Variants in RAP1GAP2 observed in about 807,000 individuals in gnomAD.
The protein encoded by RAP1GAP2 is RAP1 GTPase activating protein 2, also known as rap1 GTPase-activating protein 2.
RAP1GAP2 carries 27 observed loss-of-function variants against 95.0 expected under a neutral mutation model. That is an observed-to-expected ratio of 0.28 (90% CI 0.21 to 0.39). The LOEUF (loss-of-function observed/expected upper bound fraction) is 0.39. RAP1GAP2 is among the 10% of genes least tolerant of loss of function. The probability of loss-of-function intolerance (pLI) is 1.00; values close to 1 mark genes in which losing one functional copy is unlikely to be tolerated. For synonymous variants in RAP1GAP2, 373 were observed against 380.9 expected (o/e 0.98, Z 0.24); for missense variants, 771 against 970.0 (o/e 0.79, Z 2.72).
chr17:2,867,478 T>C lies in RAP1GAP2; in HGVS notation c.81-37806T>C, dbSNP rs111286339. The stretch of plus-strand genomic sequence containing the variant: ...CGATGGCTGCCCTGGGCTGACCTTC[T>C]ACCCACTTAGCAATACCAACAGGAA... On this transcript the variant is annotated intron_variant, in intron 2 of 24. Coordinates refer to ENST00000254695, the MANE Select transcript of RAP1GAP2 (RefSeq NM_015085.5). The surrounding 1 kb of genome is among the most constrained non-coding windows in gnomAD (Gnocchi z 4.5). 1.5e-3 allele frequency among the ~76,000 whole-genome samples: 225 copies of C among 152,240 alleles called. 1 individual carries two copies. Among genetic ancestry groups the C allele is most frequent in the Non-Finnish European group, 2.5e-3 (171 of 68,000 alleles).
intron 12 of RAP1GAP2, among the ~76,000 whole-genome samples, chr17:2,993,597 T>A (rs1481270047): frequency 1.3e-5 from 2 of 149,774 alleles, no homozygotes; most frequent in South Asian, 2.1e-4. Context: ...AATAAATAAA[T>A]AAAAAATAAA....
In RAP1GAP2 at chr17:2,955,670, C is replaced by T. The variant is rs535499269; in HGVS notation, c.166-2089C>T. 3.9e-5 allele frequency among the ~76,000 whole-genome samples: 6 copies of T among 152,172 alleles called. No homozygotes were observed. In the East Asian group the frequency reaches 1.2e-3, roughly 29 times the overall value. On this transcript the variant is annotated intron_variant, in intron 3 of 24. Coordinates refer to ENST00000254695, the MANE Select transcript of RAP1GAP2 (RefSeq NM_015085.5). ...TGAAGCCACCTGGGTCTGGGCTTTC[C>T]TTCGTGCGTCGTTTTTTTGATCATT...
intron 1 of RAP1GAP2, among the ~76,000 whole-genome samples, chr17:2,787,430 A>C (rs905461052): frequency 1.3e-5 from 2 of 151,616 alleles, no homozygotes; most frequent in Non-Finnish European, 2.9e-5. Flanking sequence ...AATTTAAAAA[A>C]ATTTTTGTAC....
At chr17:2,940,332 C>G (rs989160501) in intron 3 of RAP1GAP2, among the ~76,000 whole-genome samples, 1 of 152,150 alleles carries the variant, frequency 6.6e-6, no homozygotes, top group Admixed American at 6.5e-5. Context: ...CTTGGAGATT[C>G]GAGGTGGGTC....
intron 1 of RAP1GAP2, among the ~76,000 whole-genome samples, chr17:2,760,328 A>C (rs976473182): frequency 3.6e-4 from 54 of 151,198 alleles, no homozygotes; most frequent in Non-Finnish European, 7.2e-4. Context: ...AGAAAAAAGA[A>C]AAATGGTCTC....
chr17:2,885,093 G>C (rs1037577315), intron 2 of RAP1GAP2, among the ~76,000 whole-genome samples: 11 of 147,782 alleles, frequency 7.4e-5, no homozygotes, highest in Non-Finnish European at 1.5e-4. Flanking sequence ...GAGTACAGTG[G>C]CACGATCTCG....
intron 1 of RAP1GAP2, among the ~76,000 whole-genome samples, chr17:2,756,757 G>T (rs1346850758): frequency 1.3e-5 from 2 of 152,140 alleles, no homozygotes; most frequent in East Asian, 1.9e-4. Context: ...ACCTCCCGTG[G>T]CTCTGGAGTA....
chr17:2,897,474 G>A (rs866995836), intron 2 of RAP1GAP2, among the ~76,000 whole-genome samples: 7 of 151,846 alleles, frequency 4.6e-5, no homozygotes, highest in Non-Finnish European at 4.4e-5. Flanking sequence ...GCAGTGGCAC[G>A]ATCTTGGCTC....
intron 3 of RAP1GAP2, among the ~76,000 whole-genome samples, chr17:2,944,642 A>G (rs1166836550): frequency 6.6e-6 from 1 of 152,188 alleles, no homozygotes; most frequent in Non-Finnish European, 1.5e-5. Context: ...CAAATTTAGG[A>G]GGAGCTTTTC....
chr17:2,774,047 C>T (rs935612380), upstream of RAP1GAP2, among the ~76,000 whole-genome samples: 8 of 152,206 alleles, frequency 5.3e-5, no homozygotes, highest in East Asian at 3.9e-4. Flanking sequence ...CATGAGCCAT[C>T]GTGCCTGGCC....
rs1218062080 is a variant in RAP1GAP2 at position 2,920,003 on chromosome 17, C to CT, written c.165+14641dup. Among the ~76,000 whole-genome samples the CT allele has an allele frequency of 4.5e-5, 6 of 134,040 alleles. No individual in the cohort carries two copies. In the East Asian group the frequency reaches 7.0e-4, roughly 16 times the overall value. 87.9% of individuals were successfully genotyped at this position (134,040 alleles called of 152,430 possible). A position where few individuals can be genotyped will look rare whatever the true frequency, so the allele number is the denominator to read the frequency against. ...GGCGTGAGCCGCCGCATCTGGCCTC[C>CT]TTTTTTCTTTTTTTTTTTTTTTTGA... On this transcript the variant is annotated intron_variant, in intron 3 of 24. Coordinates refer to ENST00000254695, the MANE Select transcript of RAP1GAP2 (RefSeq NM_015085.5).
At chr17:2,765,532 G>A (rs1302680904) in intron 1 of RAP1GAP2, among the ~76,000 whole-genome samples, 1 of 151,940 alleles carries the variant, frequency 6.6e-6, no homozygotes, top group Non-Finnish European at 1.5e-5. Flanking sequence ...TTGAGGTCAG[G>A]AGATCGAGAC....
intron 2 of RAP1GAP2, among the ~76,000 whole-genome samples, chr17:2,896,051 A>G (rs1002322815): frequency 6.6e-6 from 1 of 151,986 alleles, no homozygotes; most frequent in African/African-American, 2.4e-5. Context: ...CTCTAGGCCT[A>G]GATCAGCCGT....
chr17:2,957,441 G>A (rs1048737424), intron 3 of RAP1GAP2, among the ~76,000 whole-genome samples: 2 of 152,368 alleles, frequency 1.3e-5, no homozygotes, highest in East Asian at 3.9e-4. Context: ...TGAATGCCGA[G>A]GACGATAGGC....
At chr17:2,780,021 C>T (rs924983058) in intron 1 of RAP1GAP2, among the ~76,000 whole-genome samples, 14 of 152,140 alleles carry the variant, frequency 9.2e-5, no homozygotes, top group East Asian at 1.9e-4. Flanking sequence ...GGGCAGTGTT[C>T]GTAGTTCGTG....
At chr17:2,858,810 G>T (rs2072253508) in intron 2 of RAP1GAP2, among the ~76,000 whole-genome samples, 1 of 152,050 alleles carries the variant, frequency 6.6e-6, no homozygotes, top group Admixed American at 6.6e-5. Flanking sequence ...CTACTCGGGA[G>T]GCTGAGGCAT....
chr17:3,008,291 G>A lies in RAP1GAP2; in HGVS notation c.1494+146G>A. 2 of 1,254,046 alleles carry A rather than the reference G, an allele frequency of 1.6e-6. No homozygotes were observed. The highest frequency in any genetic ancestry group is 2.2e-6 in the Non-Finnish European group (2 of 904,374). 77.7% of individuals were successfully genotyped at this position (1,254,046 alleles called of 1,614,324 possible). On this transcript the variant is annotated intron_variant, in intron 17 of 24. Coordinates refer to ENST00000254695, the MANE Select transcript of RAP1GAP2 (RefSeq NM_015085.5). This position sits in a 1 kb window ranked among gnomAD's most constrained non-coding sequence, Gnocchi z 4.2. ...AAACGTATGGGTATCCTAGGTGTTTGCAAAGGGCAGGGCCGTTAGGAAGTG... is the reference window on the plus strand; with the variant it reads ...AAACGTATGGGTATCCTAGGTGTTTACAAAGGGCAGGGCCGTTAGGAAGTG...
intron 2 of RAP1GAP2, among the ~76,000 whole-genome samples, chr17:2,874,714 A>C (rs72819268): frequency 6.0e-4 from 92 of 152,152 alleles, no homozygotes; most frequent in Non-Finnish European, 9.8e-4. Flanking sequence ...CCACCCAGCC[A>C]GGAAAAGCCC....
chr17:2,890,184 A>G (rs1316625514), intron 2 of RAP1GAP2, among the ~76,000 whole-genome samples: 1 of 151,986 alleles, frequency 6.6e-6, no homozygotes, highest in African/African-American at 2.4e-5. Context: ...ACAAGCAAGA[A>G]AGGGGAGGAA....
Sources: gnomAD v4.1 joint callset for allele counts (sites outside exome capture counted in the v4.1 genomes callset) on GRCh38, gnomAD v4.1.1 for gene constraint, Gnocchi (gnomAD v3.1) non-coding constraint, MANE v1.5 for transcripts, NCBI Gene and HGNC (gene_info 2026-07-23, HGNC 2026-07-21) for gene names.